Variants in KANSL2 observed in about 807,000 individuals in gnomAD.
KANSL2 encodes the protein KAT8 regulatory NSL complex subunit 2.
A neutral mutation model predicts 55.6 loss-of-function variants in KANSL2; 34 were observed. That is an observed-to-expected ratio of 0.61 (90% confidence interval 0.46 to 0.81). KANSL2 has a LOEUF of 0.81. Ranked by LOEUF, KANSL2 falls within the 40% of genes least tolerant of loss-of-function variation. KANSL2 has a pLI of 0.00. For synonymous variants in KANSL2, 209 were observed against 214.3 expected (o/e 0.98, Z 0.22); for missense variants, 502 against 609.9 (o/e 0.82, Z 1.86).
In KANSL2 at chr12:48,672,054, T is replaced by C. The variant is rs1939723665; in HGVS notation, c.546-92A>G. On this transcript the variant is annotated intron_variant, in intron 4 of 9. Coordinates refer to ENST00000420613, the MANE Select transcript of KANSL2 (RefSeq NM_017822.4). ...TAGAGATGTCAGACTAAGTTTGTTA[T>C]TTAACAAGTGGTGACATAATCACCT... 3 of 1,099,106 alleles carry C rather than the reference T, an allele frequency of 2.7e-6. No individual in the cohort carries two copies. In the East Asian group the frequency reaches 7.6e-5, roughly 28 times the overall value. 68.1% of individuals were successfully genotyped at this position (1,099,106 alleles called of 1,614,324 possible).
At chr12:48,661,190 C>T (rs1038334861) in intron 7 of KANSL2, 9 of 922,046 alleles carry the variant, frequency 9.8e-6, no homozygotes, top group Admixed American at 1.3e-4. Flanking sequence ...ATTAAATATA[C>T]ATGCCTTTTT....
intron 8 of KANSL2, among the ~76,000 whole-genome samples, chr12:48,659,970 C>A (rs1398587844): frequency 6.6e-6 from 1 of 152,044 alleles, no homozygotes; most frequent in East Asian, 1.9e-4. Context: ...GTAGATTCAT[C>A]GTGGCCAGGG....
chr12:48,678,169 T>C (rs905984143), intron 4 of KANSL2, among the ~76,000 whole-genome samples: 1 of 152,214 alleles, frequency 6.6e-6, no homozygotes, highest in Non-Finnish European at 1.5e-5. Flanking sequence ...TTCCACTATT[T>C]ACAGTCCCTT....
chr12:48,672,001 A>G (rs759219491), intron 4 of KANSL2, 39 bp from the exon 5 acceptor site: 1 of 1,506,618 alleles, frequency 6.6e-7, no homozygotes, highest in Non-Finnish European at 8.9e-7. Flanking sequence ...TAAGAAAACA[A>G]TAATAATAAA....
intron 7 of KANSL2, among the ~76,000 whole-genome samples, chr12:48,666,141 C>T (rs941683664): frequency 6.6e-6 from 1 of 152,060 alleles, no homozygotes; most frequent in African/African-American, 2.4e-5. Context: ...TTAAGCCCAG[C>T]AGATCACGGC....
At chr12:48,655,583 T>C (rs958100080) in intron 8 of KANSL2, among the ~76,000 whole-genome samples, 1 of 138,122 alleles carries the variant, frequency 7.2e-6, no homozygotes, top group Non-Finnish European at 1.6e-5. Flanking sequence ...AAAAAAAAAA[T>C]TCTAGGAAAA....
chr12:48,679,239 C>G (rs778154819), intron 3 of KANSL2, 89 bp from the exon 4 acceptor site: 1 of 872,258 alleles, frequency 1.1e-6, no homozygotes, highest in Non-Finnish European at 1.9e-6. Flanking sequence ...CAACCCAAAC[C>G]TTGAAATTTT....
chr12:48,654,283 C>G (rs1235263563), intron 9 of KANSL2, 108 bp from the exon 10 acceptor site: 15 of 1,144,918 alleles, frequency 1.3e-5, no homozygotes, highest in Non-Finnish European at 1.8e-5. Flanking sequence ...AACAATACAA[C>G]AGAAATTAAT....
chr12:48,682,111 C>CA (rs1378281926), intron 1 of KANSL2, 76 bp downstream of exon 1: 2 of 702,868 alleles, frequency 2.8e-6, no homozygotes, highest in African/African-American at 3.5e-5. Flanking sequence ...GGCGGAGTAG[C>CA]AGCTCTGAGC....
At chr12:48,681,741 G>C (rs1261124047) in intron 1 of KANSL2, 100 bp from the exon 2 acceptor site, 1 of 1,465,674 alleles carries the variant, frequency 6.8e-7, no homozygotes, top group Non-Finnish European at 9.4e-7. Context: ...TGCAGAAGTC[G>C]TCCCCGTAAG....
At chr12:48,666,374 A>G (rs951651039) in intron 7 of KANSL2, among the ~76,000 whole-genome samples, 13 of 151,776 alleles carry the variant, frequency 8.6e-5, no homozygotes, top group Admixed American at 8.5e-4. Context: ...CAACATATTG[A>G]AAATTGACTC....
chr12:48,676,365 C>CA (rs1939821242), intron 4 of KANSL2, among the ~76,000 whole-genome samples: 1 of 152,118 alleles, frequency 6.6e-6, no homozygotes, highest in African/African-American at 2.4e-5. Flanking sequence ...CTCGACCTCC[C>CA]AAAGTGCTAG....
intron 5 of KANSL2, among the ~76,000 whole-genome samples, chr12:48,670,198 C>CA (rs55764309): frequency 0.051 from 5,234 of 103,520 alleles, 187 homozygotes; most frequent in African/African-American, 0.1. Flanking sequence ...GACTATATCA[C>CA]AAAAAAAAAA....
Position 48,653,781 on chromosome 12 carries a change from G to T in KANSL2, c.*263C>A, listed in dbSNP as rs1187141878. The T allele has an allele frequency of 3.1e-6, 1 of 326,588 alleles. No individual in the cohort carries two copies. The highest frequency in any genetic ancestry group is 5.5e-6 in the Non-Finnish European group (1 of 181,554). 20.2% of individuals were successfully genotyped at this position (326,588 alleles called of 1,614,324 possible). A position where few individuals can be genotyped will look rare whatever the true frequency, so the allele number is the denominator to read the frequency against. ...ATGACTTGGGAAATCCCATTACAAA[G>T]ATGTCACTTTCCTTTTAGGTATAGT... On this transcript the variant is annotated 3_prime_UTR_variant, in exon 10 of 10. Transcript: ENST00000420613.
At chr12:48,661,721 TAA>T (rs1272322903) in intron 7 of KANSL2, among the ~76,000 whole-genome samples, 1 of 152,210 alleles carries the variant, frequency 6.6e-6, no homozygotes, top group African/African-American at 2.4e-5. Context: ...TGGAAATAAC[TAA>T]ACTCTCAAGC....
intron 7 of KANSL2, among the ~76,000 whole-genome samples, chr12:48,665,784 T>G (rs192993841): frequency 2.0e-5 from 3 of 152,256 alleles, no homozygotes; most frequent in East Asian, 3.9e-4. Context: ...CAAGAGACAT[T>G]ATGATGGTTC....
intron 8 of KANSL2, among the ~76,000 whole-genome samples, chr12:48,657,416 C>G (rs1939406828): frequency 6.6e-6 from 1 of 151,876 alleles, no homozygotes; most frequent in Non-Finnish European, 1.5e-5. Flanking sequence ...CAGAGCAAGA[C>G]TCTGTCTCAA....
chr12:48,670,545 A>AT (rs1032822461), intron 5 of KANSL2, among the ~76,000 whole-genome samples: 20 of 151,874 alleles, frequency 1.3e-4, no homozygotes, highest in Middle Eastern at 3.4e-3. Flanking sequence ...GTTTAAAAGG[A>AT]TTTTTTTTTA....
At chr12:48,675,989 G>A (rs1410101752) in intron 4 of KANSL2, among the ~76,000 whole-genome samples, 2 of 152,024 alleles carry the variant, frequency 1.3e-5, no homozygotes, top group Admixed American at 6.6e-5. Context: ...AGCCAAACAA[G>A]TTATAGATGT....
Sources: allele counts gnomAD v4.1 joint callset (sites outside exome capture counted in the v4.1 genomes callset), GRCh38; gene constraint gnomAD v4.1.1; transcripts MANE v1.5; gene names NCBI Gene and HGNC (gene_info 2026-07-23, HGNC 2026-07-21).